Variants in GRIN2A observed in about 807,000 individuals in gnomAD.
GRIN2A encodes the protein glutamate ionotropic receptor NMDA type subunit 2A.
Under a neutral mutation model 113.4 loss-of-function variants are expected in GRIN2A, and 22 were observed. The ratio of observed to expected loss-of-function variants is 0.19; its 90% CI spans 0.14 to 0.28. The LOEUF (loss-of-function observed/expected upper bound fraction) is 0.28, where lower values mean the gene tolerates loss of function less well. Among genes scored for constraint, GRIN2A ranks in the 10% least tolerant of loss-of-function variants. The probability of loss-of-function intolerance (pLI) is 1.00; values close to 1 mark genes in which losing one functional copy is unlikely to be tolerated. For synonymous variants in GRIN2A, 827 were observed against 738.4 expected (o/e 1.12, Z -1.94); for missense variants, 1,502 against 1,887.0 (o/e 0.80, Z 3.78).
intron 2 of GRIN2A, among the ~76,000 whole-genome samples, chr16:9,980,917 A>G (rs1007376107): frequency 2.6e-5 from 4 of 152,048 alleles, no homozygotes; most frequent in Non-Finnish European, 4.4e-5. Context: ...GCAGCACACC[A>G]ACATGGCACA....
chr16:9,882,794 T>G (rs531515048), intron 4 of GRIN2A, among the ~76,000 whole-genome samples: 1 of 151,928 alleles, frequency 6.6e-6, no homozygotes, highest in African/African-American at 2.4e-5. Context: ...TAAAAAAAAG[T>G]TAAAAATTAC....
chr16:10,132,955 T>G (rs1230821590), intron 2 of GRIN2A, among the ~76,000 whole-genome samples: 1 of 152,198 alleles, frequency 6.6e-6, no homozygotes, highest in Non-Finnish European at 1.5e-5. Flanking sequence ...CTTTTCCAGT[T>G]TGTAGAGTCT....
intron 7 of GRIN2A, among the ~76,000 whole-genome samples, chr16:9,834,472 C>T (rs79454775): frequency 0.022 from 3,413 of 152,270 alleles, 94 homozygotes; most frequent in East Asian, 0.15. Flanking sequence ...ACCTCCGCCC[C>T]CCAGGTTCAA....
intron 2 of GRIN2A, among the ~76,000 whole-genome samples, chr16:10,076,499 C>A (rs1164363722): frequency 1.3e-5 from 2 of 152,106 alleles, no homozygotes; most frequent in Non-Finnish European, 2.9e-5. Context: ...GACACATGTC[C>A]GTGGCCCTCC....
At chr16:9,873,930 G>A (rs191164075) in intron 4 of GRIN2A, among the ~76,000 whole-genome samples, 15 of 152,336 alleles carry the variant, frequency 9.8e-5, no homozygotes, top group Middle Eastern at 3.4e-3. Flanking sequence ...GGATTCTTCC[G>A]ATTCAAATTG....
In GRIN2A at chr16:9,757,894, C is replaced by G. The variant is rs1900420970; in HGVS notation, c.*5255G>C. ...GGCAAAAACAAAAAACAAAACAAAA[C>G]AAAAACCAGGGCAGCCTTATGGGGA... On this transcript the variant is annotated 3_prime_UTR_variant, in exon 13 of 13. Transcript: ENST00000330684. 1 of 225,678 alleles carries G rather than the reference C, an allele frequency of 4.4e-6. No individual in the cohort carries two copies. Among genetic ancestry groups the G allele is most frequent in the Non-Finnish European group, 8.8e-6 (1 of 113,280 alleles). 14.0% of individuals were successfully genotyped at this position (225,678 alleles called of 1,614,324 possible). A position where few individuals can be genotyped will look rare whatever the true frequency, so the allele number is the denominator to read the frequency against.
intron 2 of GRIN2A, among the ~76,000 whole-genome samples, chr16:9,987,899 C>G (rs1212485373): frequency 6.6e-6 from 1 of 152,178 alleles, no homozygotes; most frequent in African/African-American, 2.4e-5. Context: ...GCAGGAGGTT[C>G]TCTCTACCCA....
intron 2 of GRIN2A, among the ~76,000 whole-genome samples, chr16:10,089,766 G>A (rs1249872724): frequency 6.6e-6 from 1 of 152,142 alleles, no homozygotes; most frequent in Non-Finnish European, 1.5e-5. Flanking sequence ...TCAACAGCAA[G>A]CTGTCTTGAT....
chr16:10,094,294 G>C (rs932941082), intron 2 of GRIN2A, among the ~76,000 whole-genome samples: 1 of 152,190 alleles, frequency 6.6e-6, no homozygotes, highest in African/African-American at 2.4e-5. Context: ...GAGAGTTACA[G>C]GCTCAGTTCT....
chr16:9,789,300 G>A (rs1218706381), intron 11 of GRIN2A, among the ~76,000 whole-genome samples: 1 of 152,150 alleles, frequency 6.6e-6, no homozygotes, highest in Non-Finnish European at 1.5e-5. Context: ...TCATAAACCA[G>A]CAGACTAAAG....
chr16:9,935,512 TCACACA>T (rs71157793), intron 3 of GRIN2A, among the ~76,000 whole-genome samples: 19,829 of 132,762 alleles, frequency 0.15, 1,584 homozygotes, highest in Middle Eastern at 0.23. Flanking sequence ...GTCTACTTCA[TCACACA>T]CACACACACA....
At chr16:10,124,917 A>G (rs4782268) in intron 2 of GRIN2A, among the ~76,000 whole-genome samples, 26,365 of 152,184 alleles carry the variant, frequency 0.17, 2,386 homozygotes, top group Admixed American at 0.19. Flanking sequence ...TGAAGAAGTC[A>G]TCGTCAACCA....
chr16:9,927,556 G>C (rs1180691644), intron 3 of GRIN2A, among the ~76,000 whole-genome samples: 1 of 152,112 alleles, frequency 6.6e-6, no homozygotes, highest in Non-Finnish European at 1.5e-5. Flanking sequence ...TTTGTTACGG[G>C]AACTAATTCA....
At chr16:9,968,777 T>G (rs1231096099) in intron 2 of GRIN2A, among the ~76,000 whole-genome samples, 1 of 152,054 alleles carries the variant, frequency 6.6e-6, no homozygotes, top group African/African-American at 2.4e-5. Context: ...CCAGCTAATT[T>G]TGTAATTTTA....
At chr16:9,963,428 C>G (rs954877795) in intron 2 of GRIN2A, among the ~76,000 whole-genome samples, 2 of 152,026 alleles carry the variant, frequency 1.3e-5, no homozygotes, top group African/African-American at 4.8e-5. Flanking sequence ...GCTCTCCCTC[C>G]TCTTGCCCCC....
intron 2 of GRIN2A, among the ~76,000 whole-genome samples, chr16:10,124,313 T>G (rs555994983): frequency 1.2e-4 from 18 of 152,216 alleles, no homozygotes; most frequent in African/African-American, 2.2e-4. Context: ...AAACCTACCA[T>G]GTAGGGATAC....
intron 4 of GRIN2A, among the ~76,000 whole-genome samples, chr16:9,864,214 C>T (rs1352977074): frequency 6.6e-6 from 1 of 152,132 alleles, no homozygotes; most frequent in African/African-American, 2.4e-5. Flanking sequence ...GTAAACAGCT[C>T]TTTTGGGGAG....
intron 4 of GRIN2A, among the ~76,000 whole-genome samples, chr16:9,873,018 C>T (rs1034303929): frequency 2.0e-5 from 3 of 152,046 alleles, no homozygotes; most frequent in African/African-American, 4.8e-5. Flanking sequence ...ATTCTCCAGC[C>T]TGGGCAACAA....
In GRIN2A at chr16:10,175,448, A is replaced by G. The variant is rs146751139; in HGVS notation, c.414+4550T>C. On this transcript the variant is annotated intron_variant, in intron 2 of 12. Transcript: ENST00000330684. ...AAATCCTGAGCATGCAACTAAATAG[A>G]TAAAAGGAAATACACCAAAGTGTCA... 3.3e-3 allele frequency among the ~76,000 whole-genome samples: 496 copies of G among 152,330 alleles called. 1 individual carries two copies. Among genetic ancestry groups the G allele is most frequent in the African/African-American group, 0.012 (484 of 41,578 alleles).
Sources: gnomAD v4.1 joint callset for allele counts (sites outside exome capture counted in the v4.1 genomes callset) on GRCh38, gnomAD v4.1.1 for gene constraint, MANE v1.5 for transcripts, NCBI Gene and HGNC (gene_info 2026-07-23, HGNC 2026-07-21) for gene names.